NXPE2: variants seen among roughly 807,000 people sequenced by gnomAD.
NXPE2 encodes NXPE family member 2.
A neutral mutation model predicts 34.4 loss-of-function variants in NXPE2; 34 were observed. The ratio of observed to expected loss-of-function variants is 0.99; its 90% CI spans 0.75 to 1.31. The LOEUF (loss-of-function observed/expected upper bound fraction) is 1.31. NXPE2 is among the 40% of genes most tolerant of loss of function. NXPE2 has a pLI of 0.00. For missense variants in NXPE2, 649 were observed against 672.5 expected, an observed-to-expected ratio of 0.97 and a Z score of 0.39; for synonymous variants, 235 against 231.3, an observed-to-expected ratio of 1.02 and a Z score of -0.15.
the NXPE2 span, among the ~76,000 whole-genome samples, chr11:114,505,423 A>G: frequency 3.4e-4 from 51 of 152,226 alleles, no homozygotes; most frequent in African/African-American, 1.1e-3. Context: ...ACATATGATC[A>G]TCAGATTCTC....
chr11:114,711,122 C>T (rs1377540858), downstream of NXPE2, among the ~76,000 whole-genome samples: 1 of 151,966 alleles, frequency 6.6e-6, no homozygotes, highest in Non-Finnish European at 1.5e-5. Context: ...CACGAAAAGC[C>T]CACAGTTAAT....
the NXPE2 span, among the ~76,000 whole-genome samples, chr11:114,495,756 C>T: frequency 6.6e-6 from 1 of 151,998 alleles, no homozygotes; most frequent in African/African-American, 2.4e-5. Context: ...AGGTCTTTCA[C>T]TTTAACGCAA....
At chr11:114,472,528 G>T in the NXPE2 span, among the ~76,000 whole-genome samples, 2 of 152,172 alleles carry the variant, frequency 1.3e-5, no homozygotes, top group Non-Finnish European at 2.9e-5. Flanking sequence ...AGAATGATGA[G>T]ACTATGTCTT....
At chr11:114,715,485 ATTTAT>A in the NXPE2 span, among the ~76,000 whole-genome samples, 1 of 152,134 alleles carries the variant, frequency 6.6e-6, no homozygotes, top group African/African-American at 2.4e-5. Context: ...CCTTTGATTG[ATTTAT>A]TTTATGGTGA....
At chr11:114,621,545 A>G in the NXPE2 span, among the ~76,000 whole-genome samples, 15 of 152,252 alleles carry the variant, frequency 9.9e-5, no homozygotes, top group African/African-American at 3.6e-4. Flanking sequence ...ACAGTGGATA[A>G]TAAGTATTAC....
the NXPE2 span, among the ~76,000 whole-genome samples, chr11:114,569,160 G>A: frequency 6.6e-6 from 1 of 152,098 alleles, no homozygotes; most frequent in Admixed American, 6.5e-5. Context: ...TCTTACTATT[G>A]GGTCAGGGGC....
chr11:114,607,421 A>G, the NXPE2 span, among the ~76,000 whole-genome samples: 4 of 151,894 alleles, frequency 2.6e-5, no homozygotes, highest in African/African-American at 9.6e-5. Flanking sequence ...GGTGGATAAT[A>G]TGTATTTCCT....
the NXPE2 span, among the ~76,000 whole-genome samples, chr11:114,531,240 T>C: frequency 6.6e-6 from 1 of 152,206 alleles, no homozygotes; most frequent in Non-Finnish European, 1.5e-5. Flanking sequence ...ATCCAAAATA[T>C]ATAGCTCAGA....
the NXPE2 span, among the ~76,000 whole-genome samples, chr11:114,739,332 C>CTTCT: frequency 4.4e-5 from 2 of 45,958 alleles, no homozygotes; most frequent in African/African-American, 1.4e-4. Flanking sequence ...TCCTTCCTTC[C>CTTCT]TTCCTTCCCC....
chr11:114,734,521 C>A, the NXPE2 span, among the ~76,000 whole-genome samples: 1 of 152,034 alleles, frequency 6.6e-6, no homozygotes, highest in Non-Finnish European at 1.5e-5. Context: ...TTCAGAGAAC[C>A]AAGACTTTTT....
chr11:114,596,959 G>A, the NXPE2 span, among the ~76,000 whole-genome samples: 1 of 152,156 alleles, frequency 6.6e-6, no homozygotes, highest in Non-Finnish European at 1.5e-5. Flanking sequence ...TTGAAACAGG[G>A]CTGAATCCAA....
chr11:114,611,430 T>C, the NXPE2 span, among the ~76,000 whole-genome samples: 4 of 151,550 alleles, frequency 2.6e-5, no homozygotes, highest in African/African-American at 9.7e-5. Context: ...GCCTCTAGGG[T>C]AATCACTGTT....
chr11:114,810,592 C>T, the NXPE2 span, among the ~76,000 whole-genome samples: 1 of 151,964 alleles, frequency 6.6e-6, no homozygotes, highest in Admixed American at 6.6e-5. Context: ...AAAAAATGCT[C>T]ATCATCACTG....
chr11:114,781,322 G>A, the NXPE2 span, among the ~76,000 whole-genome samples: 1 of 152,212 alleles, frequency 6.6e-6, no homozygotes, highest in African/African-American at 2.4e-5. Flanking sequence ...TTTTCCCAAG[G>A]ACCCTTGGTT....
chr11:114,648,542 T>A, the NXPE2 span, among the ~76,000 whole-genome samples: 1 of 152,306 alleles, frequency 6.6e-6, no homozygotes, highest in East Asian at 1.9e-4. Flanking sequence ...AACACTCTTA[T>A]AGAAACACCC....
chr11:114,784,885 G>A, the NXPE2 span, among the ~76,000 whole-genome samples: 1 of 152,134 alleles, frequency 6.6e-6, no homozygotes, highest in Admixed American at 6.5e-5. Flanking sequence ...ACAGAGTAGA[G>A]GATATTGTTT....
chr11:114,607,001 C>T, the NXPE2 span, among the ~76,000 whole-genome samples: 1 of 146,662 alleles, frequency 6.8e-6, no homozygotes, highest in Non-Finnish European at 1.5e-5. Context: ...AGTGGATAAT[C>T]AGTATTGCCT....
At chr11:114,650,751 G>C in the NXPE2 span, among the ~76,000 whole-genome samples, 10 of 152,122 alleles carry the variant, frequency 6.6e-5, no homozygotes, top group South Asian at 2.1e-3. Context: ...GGCAGAGTGC[G>C]GTTGCCACAA....
the NXPE2 span, among the ~76,000 whole-genome samples, chr11:114,744,587 G>A: frequency 6.6e-6 from 1 of 152,048 alleles, no homozygotes; most frequent in African/African-American, 2.4e-5. Flanking sequence ...GGCGGGTTGA[G>A]TTACTTGAGT....
Sources: allele counts gnomAD v4.1 joint callset (sites outside exome capture counted in the v4.1 genomes callset), GRCh38; gene constraint gnomAD v4.1.1; transcripts MANE v1.5; gene names NCBI Gene and HGNC (gene_info 2026-07-23, HGNC 2026-07-21).